GALNT13: variants seen among roughly 807,000 people sequenced by gnomAD.
GALNT13 encodes the protein polypeptide N-acetylgalactosaminyltransferase 13, also known as UDP-GalNAc:polypeptide N-acetylgalactosaminyltransferase 13.
Under a neutral mutation model 64.2 loss-of-function variants are expected in GALNT13, and 28 were observed. That is an observed-to-expected ratio of 0.44 (90% confidence interval 0.32 to 0.60). The LOEUF is 0.60. GALNT13 is among the 20% of genes least tolerant of loss of function. The pLI, the probability that GALNT13 is intolerant of heterozygous loss-of-function variation, is 0.05. For synonymous variants in GALNT13, 214 were observed against 224.6 expected (o/e 0.95, Z 0.42); for missense variants, 577 against 669.8 (o/e 0.86, Z 1.53).
At chr2:154,085,692 G>A (rs1701486868) in intron 3 of GALNT13, among the ~76,000 whole-genome samples, 1 of 151,956 alleles carries the variant, frequency 6.6e-6, no homozygotes, top group Non-Finnish European at 1.5e-5. Context: ...TATATTTTAA[G>A]CTTTAGACAT....
In GALNT13 at chr2:154,305,461, A is replaced by G. The variant is rs34860161; in HGVS notation, c.1156+3872A>G. On this transcript the variant is annotated intron_variant, in intron 9 of 12. Coordinates refer to ENST00000392825, the MANE Select transcript of GALNT13 (RefSeq NM_052917.4). Reference sequence around the variant, plus strand: ...ATGAGTTTATATTGAGCTTCTCAGAACTTCCTTAACATGGTGAAATAAATA... The same window carrying G: ...ATGAGTTTATATTGAGCTTCTCAGAGCTTCCTTAACATGGTGAAATAAATA... 3.1e-3 allele frequency among the ~76,000 whole-genome samples: 473 copies of G among 152,250 alleles called. 4 individuals carry two copies. The highest frequency in any genetic ancestry group is 5.0e-3 in the Non-Finnish European group (340 of 68,014).
chr2:153,289,463 A>C, the GALNT13 span, among the ~76,000 whole-genome samples: 1 of 152,202 alleles, frequency 6.6e-6, no homozygotes, highest in African/African-American at 2.4e-5. Flanking sequence ...TGAGACTCAG[A>C]TGGTTTTTGT....
At chr2:153,692,831 C>T in the GALNT13 span, among the ~76,000 whole-genome samples, 1 of 152,076 alleles carries the variant, frequency 6.6e-6, no homozygotes, top group Non-Finnish European at 1.5e-5. Context: ...TTCCTGGATG[C>T]CTTCATAAGA....
the GALNT13 span, among the ~76,000 whole-genome samples, chr2:153,325,126 T>G: frequency 3.5e-5 from 5 of 143,464 alleles, no homozygotes; most frequent in East Asian, 7.0e-4. Context: ...TTTTTTTTTT[T>G]TTTTTTTTTT....
chr2:153,322,295 A>G, the GALNT13 span, among the ~76,000 whole-genome samples: 2 of 152,100 alleles, frequency 1.3e-5, no homozygotes, highest in African/African-American at 4.8e-5. Flanking sequence ...TAATTTCCTT[A>G]GGATAATGGC....
At chr2:153,672,074 A>G in the GALNT13 span, among the ~76,000 whole-genome samples, 22 of 152,190 alleles carry the variant, frequency 1.4e-4, no homozygotes, top group East Asian at 3.5e-3. Flanking sequence ...GACCTACAAA[A>G]AGACTTAGAA....
the GALNT13 span, among the ~76,000 whole-genome samples, chr2:153,375,222 A>G: frequency 2.6e-5 from 4 of 152,212 alleles, no homozygotes; most frequent in Admixed American, 2.6e-4. Flanking sequence ...TTAGAAGTGA[A>G]GTATAACTTA....
chr2:153,688,518 T>G, the GALNT13 span, among the ~76,000 whole-genome samples: 1 of 152,004 alleles, frequency 6.6e-6, no homozygotes, highest in South Asian at 2.1e-4. Flanking sequence ...CAGTGAAATT[T>G]TACTTAGTGA....
chr2:153,353,606 C>T, the GALNT13 span, among the ~76,000 whole-genome samples: 2 of 152,044 alleles, frequency 1.3e-5, no homozygotes, highest in African/African-American at 4.8e-5. Flanking sequence ...ATTCCTTTAA[C>T]AAGTTGAAGA....
chr2:153,514,191 A>T, the GALNT13 span, among the ~76,000 whole-genome samples: 1 of 151,600 alleles, frequency 6.6e-6, no homozygotes, highest in Non-Finnish European at 1.5e-5. Context: ...ACCCATTCCT[A>T]TTTGAAGAGT....
chr2:154,243,088 ATAGT>A (rs1689585215), intron 6 of GALNT13, among the ~76,000 whole-genome samples, 183 bp downstream of exon 6: 1 of 152,174 alleles, frequency 6.6e-6, no homozygotes, highest in Non-Finnish European at 1.5e-5. Context: ...CTGGACATAG[ATAGT>A]TGATTAAGAA....
At chr2:153,081,781 T>G in the GALNT13 span, among the ~76,000 whole-genome samples, 2 of 152,164 alleles carry the variant, frequency 1.3e-5, no homozygotes, top group Non-Finnish European at 2.9e-5. Context: ...TGATAGACAC[T>G]TAGGTTGCTT....
At chr2:153,522,386 G>T in the GALNT13 span, among the ~76,000 whole-genome samples, 1 of 151,924 alleles carries the variant, frequency 6.6e-6, no homozygotes. Flanking sequence ...GAGAGTGTGA[G>T]AAGTGAGGCA....
chr2:153,897,691 G>A (rs1687974272), intron 1 of GALNT13, among the ~76,000 whole-genome samples: 1 of 152,074 alleles, frequency 6.6e-6, no homozygotes, highest in African/African-American at 2.4e-5. Flanking sequence ...ATATTATGGT[G>A]GTTTTCTAAC....
chr2:153,973,313 C>A (rs543681891), intron 3 of GALNT13, among the ~76,000 whole-genome samples: 11 of 152,010 alleles, frequency 7.2e-5, no homozygotes, highest in Non-Finnish European at 1.5e-4. Flanking sequence ...ATATCTTTTT[C>A]TGAAATGTGT....
chr2:153,208,395 A>G, the GALNT13 span, among the ~76,000 whole-genome samples: 2 of 152,318 alleles, frequency 1.3e-5, no homozygotes, highest in African/African-American at 4.8e-5. Context: ...AATATAATAG[A>G]AACTTAGAGT....
At chr2:153,442,152 A>C in the GALNT13 span, among the ~76,000 whole-genome samples, 3 of 152,180 alleles carry the variant, frequency 2.0e-5, no homozygotes, top group East Asian at 3.9e-4. Context: ...AGTTCTTAGC[A>C]TGATGGGGAT....
the GALNT13 span, among the ~76,000 whole-genome samples, chr2:153,356,786 CCTCTT>C: frequency 0.12 from 3,931 of 32,692 alleles, 386 homozygotes; most frequent in African/African-American, 0.25. Flanking sequence ...TTTTCTTCTT[CCTCTT>C]TTTTTTTTTT....
At chr2:153,594,946 A>G in the GALNT13 span, among the ~76,000 whole-genome samples, 5,655 of 152,196 alleles carry the variant, frequency 0.037, 136 homozygotes, top group Middle Eastern at 0.058. Context: ...CAATAAGCAG[A>G]TCAAAATTAC....
Sources: gnomAD v4.1 joint callset for allele counts (sites outside exome capture counted in the v4.1 genomes callset) on GRCh38, gnomAD v4.1.1 for gene constraint, MANE v1.5 for transcripts, NCBI Gene and HGNC (gene_info 2026-07-23, HGNC 2026-07-21) for gene names.